NFRKB: variants seen among roughly 807,000 people sequenced by gnomAD.
NFRKB encodes the protein nuclear factor related to kappaB binding protein.
A neutral mutation model predicts 135.7 loss-of-function variants in NFRKB; 62 were observed. The ratio of observed to expected loss-of-function variants is 0.46; its 90% CI spans 0.37 to 0.56. The LOEUF is 0.56. Ranked by LOEUF, NFRKB falls within the 20% of genes least tolerant of loss-of-function variation. The pLI, the probability that NFRKB is intolerant of heterozygous loss-of-function variation, is 0.00. For missense variants in NFRKB, 1,545 were observed against 1,662.0 expected, an observed-to-expected ratio of 0.93 and a Z score of 1.22; for synonymous variants, 678 against 635.6, an observed-to-expected ratio of 1.07 and a Z score of -1.00.
chr11:129,876,897 T>C lies in NFRKB; in HGVS notation c.1573-2A>G. 6.2e-7 allele frequency: 1 copy of C among 1,612,966 alleles called. No individual in the cohort carries two copies. The highest frequency in any genetic ancestry group is 8.5e-7 in the Non-Finnish European group (1 of 1,179,454). ...GGGTTGGCTATACCTGTAACGCTCCTACCAAGAGACAAGGGACAAGAGTTC... is the reference window on the plus strand; with the variant it reads ...GGGTTGGCTATACCTGTAACGCTCCCACCAAGAGACAAGGGACAAGAGTTC... On this transcript the variant is annotated splice_acceptor_variant, in intron 16 of 26. Transcript: ENST00000682444. LOFTEE classifies it high-confidence loss of function.
At chr11:129,885,102 G>A (rs566080249) in intron 6 of NFRKB, among the ~76,000 whole-genome samples, 3 of 152,312 alleles carry the variant, frequency 2.0e-5, no homozygotes, top group South Asian at 2.1e-4. Context: ...TCTCCTGTAA[G>A]GGGAAAACAG....
chr11:129,878,357 T>C lies in NFRKB; in HGVS notation c.1465-2A>G. 2 of 1,614,182 alleles carry C rather than the reference T, an allele frequency of 1.2e-6. No individual in the cohort carries two copies. Among genetic ancestry groups the C allele is most frequent in the Non-Finnish European group, 1.7e-6 (2 of 1,180,024 alleles). ...ATCTGAGCTGTCTTCATTTTCTTGC[T>C]GGAGAAAAAGAAAACGTTGACAGGT... On this transcript the variant is annotated splice_acceptor_variant, in intron 14 of 26. Coordinates refer to ENST00000682444, the MANE Select transcript of NFRKB (RefSeq NM_001143835.2). LOFTEE classifies it high-confidence loss of function.
At chr11:129,873,210 C>A in intron 22 of NFRKB, 114 bp from the exon 23 acceptor site, 1 of 860,590 alleles carries the variant, frequency 1.2e-6, no homozygotes, top group South Asian at 1.8e-5. Context: ...AGCTTCTAAT[C>A]CCACAGTACT....
At chr11:129,880,113 C>T (rs558889799) in intron 13 of NFRKB, among the ~76,000 whole-genome samples, 2 of 152,198 alleles carry the variant, frequency 1.3e-5, no homozygotes, top group South Asian at 4.2e-4. Context: ...TTGCTTGAGC[C>T]CGGGAGGCAG....
intron 9 of NFRKB, 47 bp downstream of exon 9, chr11:129,883,070 CAACTT>C: frequency 6.4e-7 from 1 of 1,552,108 alleles, no homozygotes; most frequent in East Asian, 2.2e-5. Context: ...TGGGCTCACG[CAACTT>C]AACACCATAG....
intron 15 of NFRKB, among the ~76,000 whole-genome samples, chr11:129,877,934 A>G (rs1948847861): frequency 6.6e-6 from 1 of 152,222 alleles, no homozygotes; most frequent in Non-Finnish European, 1.5e-5. Flanking sequence ...TCTAAGTTCT[A>G]GCTGGGGTCC....
In NFRKB at chr11:129,870,048, C is replaced by T; in HGVS notation, c.2977G>A (p.Asp993Asn). The T allele has an allele frequency of 6.2e-7, 1 of 1,614,228 alleles. No individual in the cohort carries two copies. Among genetic ancestry groups the T allele is most frequent in the South Asian group, 1.1e-5 (1 of 91,086 alleles). The change falls in exon 24 of 27, where the codon GAC becomes AAC. Residue 993 changes from aspartate (D) to asparagine (N), a missense_variant. Around this residue, in one of 3 missense-constraint regions of NFRKB, gnomAD observed 753 missense variants for 804.3 expected, o/e 0.94. Coordinates refer to ENST00000682444, the MANE Select transcript of NFRKB (RefSeq NM_001143835.2). ...SQVTTVKLTQ[D>N]LFGTGGNTTG... ...GTGTTGCCTCCTGTCCCGAAGAGGTCCTGGGTCAATTTGACTGTGGTAACC... is the reference window on the plus strand; with the variant it reads ...GTGTTGCCTCCTGTCCCGAAGAGGTTCTGGGTCAATTTGACTGTGGTAACC...
intron 24 of NFRKB, among the ~76,000 whole-genome samples, chr11:129,868,632 C>T (rs780734744): frequency 6.6e-6 from 1 of 152,194 alleles, no homozygotes; most frequent in Non-Finnish European, 1.5e-5. Flanking sequence ...ACAGTGGAAA[C>T]GCATCCTTTA....
chr11:129,889,659 G>C lies in NFRKB; in HGVS notation c.136-864C>G, dbSNP rs1235943257. Among the ~76,000 whole-genome samples the C allele has an allele frequency of 1.3e-5, 2 of 150,480 alleles. 1 individual carries two copies. On this transcript the variant is annotated intron_variant, in intron 3 of 26. Transcript: ENST00000682444. ...GTTACAATGTAGTTAAAGAAGTGCT[G>C]ATGTGTATAGAAGCAAACATCCCAC...
chr11:129,866,024 A>G (rs1226361234), intron 24 of NFRKB, 41 bp from the exon 25 acceptor site: 1 of 1,524,776 alleles, frequency 6.6e-7, no homozygotes, highest in East Asian at 2.3e-5. Flanking sequence ...GACAGGAGGT[A>G]AGGAAAACCA....
chr11:129,878,528 T>C lies in NFRKB; in HGVS notation c.1400A>G (p.Asn467Ser), dbSNP rs765364405. 4 of 1,614,072 alleles carry C rather than the reference T, an allele frequency of 2.5e-6. No individual in the cohort carries two copies. Among genetic ancestry groups the C allele is most frequent in the Middle Eastern group, 1.7e-4 (1 of 6,060 alleles). ...GAAGAGGGCAGCTAATTCCTTTTCA[T>C]TATCTTGGGATTGGCCTATTAGAGG... The part of the protein sequence containing the change: ...QWKLLGQSQD[N>S]EKELAALFQL... Residue 467 changes from asparagine (N) to serine (S), a missense_variant, in exon 14 of 27, where the codon AAT becomes AGT. This residue lies in a region of NFRKB where 678 missense variants were observed against 646.7 expected (regional missense o/e 1.05). Coordinates refer to ENST00000682444, the MANE Select transcript of NFRKB (RefSeq NM_001143835.2).
In NFRKB at chr11:129,868,224, G is replaced by A. The variant is rs907126872; in HGVS notation, c.3531+1270C>T. Among the ~76,000 whole-genome samples the A allele has an allele frequency of 1.2e-4, 19 of 152,062 alleles. 1 individual carries two copies. Among genetic ancestry groups the A allele is most frequent in the South Asian group, 4.1e-4 (2 of 4,828 alleles). On this transcript the variant is annotated intron_variant, in intron 24 of 26. Coordinates refer to ENST00000682444, the MANE Select transcript of NFRKB (RefSeq NM_001143835.2). ...TAAAGAATTCACATCCACAGATTCC[G>A]TATCTTCTGGATGTTATAAAAAGCC...
rs767946754 is a variant in NFRKB, at chr11:129,873,890, A to G, written c.2405T>C (p.Leu802Pro). ...RVVSHSGSAGLSQVRVVAQPS... is the reference protein window; with the variant it reads ...RVVSHSGSAGPSQVRVVAQPS... Reference sequence around the variant, plus strand: ...CTGGGCCACCACTCGCACCTGAGACAGTCCAGCAGAGCCAGAGTGGCTCAC... The same window carrying G: ...CTGGGCCACCACTCGCACCTGAGACGGTCCAGCAGAGCCAGAGTGGCTCAC... The change falls in exon 22 of 27, where the codon CTG (leucine) becomes CCG (proline). Residue 802 changes from leucine (L) to proline (P), a missense_variant. By Grantham distance (98) the Leu-to-Pro change is moderately conservative. Transcript: ENST00000682444. 3.1e-6 allele frequency: 5 copies of G among 1,613,988 alleles called. No individual in the cohort carries two copies. The East Asian group carries it at 6.7e-5, about 22-fold the overall frequency.
chr11:129,893,091 T>C, intron 2 of NFRKB: 1 of 1,408,394 alleles, frequency 7.1e-7, no homozygotes, highest in African/African-American at 1.4e-5. Context: ...AGAATGCTCC[T>C]ACAGTAACTC....
intron 13 of NFRKB, among the ~76,000 whole-genome samples, 166 bp from the exon 14 acceptor site, chr11:129,878,709 GACC>G (rs1948890948): frequency 6.6e-6 from 1 of 152,178 alleles, no homozygotes; most frequent in African/African-American, 2.4e-5. Flanking sequence ...AGTCAGCCTG[GACC>G]ACCACTCTTG....
At chr11:129,877,184 C>G in intron 16 of NFRKB, 141 bp downstream of exon 16, 1 of 891,534 alleles carries the variant, frequency 1.1e-6, no homozygotes, top group East Asian at 2.4e-5. Flanking sequence ...CCACCCCCAA[C>G]AAGTAATCCC....
chr11:129,870,038 C>G lies in NFRKB; in HGVS notation c.2987G>C (p.Gly996Ala). ...TTTGCCTGTAGTGTTGCCTCCTGTC[C>G]CGAAGAGGTCCTGGGTCAATTTGAC... ...TTVKLTQDLF[G>A]TGGNTTGKGI... The change falls in exon 24 of 27, where the codon GGG becomes GCG. Residue 996 changes from glycine to alanine, a missense_variant. By Grantham distance (60) the Gly-to-Ala change is moderately conservative (BLOSUM62 0). Transcript: ENST00000682444. The G allele has an allele frequency of 2.5e-6, 4 of 1,614,240 alleles. No homozygotes were observed. Among genetic ancestry groups the G allele is most frequent in the Non-Finnish European group, 3.4e-6 (4 of 1,180,046 alleles).
In NFRKB at chr11:129,874,736, T is replaced by A; in HGVS notation, c.1978+57A>T. On this transcript the variant is annotated intron_variant, in intron 19 of 26. Transcript: ENST00000682444. The surrounding 1 kb of genome is among the most constrained non-coding windows in gnomAD (Gnocchi z 4.5). ...AATGAAAAGAATAATGGAATTGGGG[T>A]AGAAAGTCAGAACGTATCCCCAGTC... 1 of 1,613,144 alleles carries A rather than the reference T, an allele frequency of 6.2e-7. No individual in the cohort carries two copies. Among genetic ancestry groups the A allele is most frequent in the South Asian group, 1.1e-5 (1 of 91,038 alleles).
chr11:129,864,713 C>G lies in NFRKB; in HGVS notation c.*12G>C. ...AGGCATGGTCTTTCACGGAAGCCAT[C>G]CTCTCTCATAATCATTGTTGCTCAG... On this transcript the variant is annotated 3_prime_UTR_variant, in exon 27 of 27. Transcript: ENST00000682444. 6.2e-7 allele frequency: 1 copy of G among 1,614,084 alleles called. No individual in the cohort carries two copies.
Sources: gnomAD v4.1 joint callset for allele counts (sites outside exome capture counted in the v4.1 genomes callset) on GRCh38, gnomAD v4.1.1 for gene constraint, gnomAD v4.1.1 regional missense constraint, Gnocchi (gnomAD v3.1) non-coding constraint, MANE v1.5 for transcripts, NCBI Gene and HGNC (gene_info 2026-07-23, HGNC 2026-07-21) for gene names.